COLEC12: variants seen among roughly 807,000 people sequenced by gnomAD.
COLEC12 encodes collectin-12.
In COLEC12, 33 loss-of-function variants were observed where a neutral mutation model predicts 71.1. The ratio of observed to expected loss-of-function variants is 0.46; its 90% CI spans 0.35 to 0.62. The LOEUF (loss-of-function observed/expected upper bound fraction) is 0.62. COLEC12 is among the 20% of genes least tolerant of loss of function. The pLI is 0.00. For synonymous variants in COLEC12, 350 were observed against 353.0 expected (o/e 0.99, Z 0.10); for missense variants, 765 against 916.1 (o/e 0.84, Z 2.13).
chr18:470,265 TCG>T (rs1225107176), intron 2 of COLEC12, among the ~76,000 whole-genome samples: 1 of 127,182 alleles, frequency 7.9e-6, no homozygotes, highest in Non-Finnish European at 1.6e-5. Context: ...GGAGTCTCGC[TCG>T]GTCTCCCAGG....
intron 3 of COLEC12, among the ~76,000 whole-genome samples, chr18:350,740 C>T (rs1914497531): frequency 6.6e-6 from 1 of 151,928 alleles, no homozygotes; most frequent in Admixed American, 6.6e-5. Context: ...CCAGCCTGGC[C>T]AACATGGTGA....
chr18:392,773 C>A (rs1237770108), intron 2 of COLEC12, among the ~76,000 whole-genome samples: 3 of 152,252 alleles, frequency 2.0e-5, no homozygotes, highest in Admixed American at 2.0e-4. Flanking sequence ...CTTTACTTAA[C>A]AACCTAGCCC....
chr18:329,790 T>G (rs60875139), intron 8 of COLEC12, among the ~76,000 whole-genome samples: 426 of 152,354 alleles, frequency 2.8e-3, no homozygotes, highest in African/African-American at 0.01. Context: ...TATAAAGAGC[T>G]GGCCTGGCTA....
Position 399,287 on chromosome 18 carries a change from GGCACCACCA to G in COLEC12, c.59-41774_59-41766del, listed in dbSNP as rs1164189615. Among the ~76,000 whole-genome samples, 2 of 152,204 alleles carry G rather than the reference GGCACCACCA, an allele frequency of 1.3e-5. No homozygotes were observed. Among genetic ancestry groups the G allele is most frequent in the East Asian group, 3.8e-4 (2 of 5,204 alleles). On this transcript the variant is annotated intron_variant, in intron 2 of 9. Coordinates refer to ENST00000400256, the MANE Select transcript of COLEC12 (RefSeq NM_130386.3). This position sits in a 1 kb window ranked among gnomAD's most constrained non-coding sequence, Gnocchi z 4.0. ...GAATGAACTTCAGACTACTGGAATG[GGCACCACCA>G]GCACCACAGACCTTGTGTGTGTGGC... is the stretch of plus-strand genomic sequence containing the variant.
intron 2 of COLEC12, among the ~76,000 whole-genome samples, chr18:361,361 A>T (rs1914739604): frequency 6.6e-6 from 1 of 151,586 alleles, no homozygotes. Flanking sequence ...TTTCCTCTCC[A>T]TTTCCCCTGC....
intron 2 of COLEC12, among the ~76,000 whole-genome samples, chr18:436,553 T>A (rs1405324405): frequency 6.8e-6 from 1 of 147,208 alleles, no homozygotes; most frequent in Non-Finnish European, 1.5e-5. Flanking sequence ...CAGGGGTGGC[T>A]TTCTGGAATT....
At chr18:351,990 T>G (rs2143488830) in intron 3 of COLEC12, among the ~76,000 whole-genome samples, 1 of 152,342 alleles carries the variant, frequency 6.6e-6, no homozygotes, top group South Asian at 2.1e-4. Context: ...AGTAGCAATC[T>G]GCCGGCTGAG....
rs985423146 is a variant in COLEC12, at chr18:500,069, G to A, written c.7+439C>T. On this transcript the variant is annotated intron_variant, in intron 1 of 9. Transcript: ENST00000400256. The surrounding 1 kb of genome is among the most constrained non-coding windows in gnomAD (Gnocchi z 5.3). Reference sequence around the variant, plus strand: ...CCGGAGAAAACACCCGGCCGCCAGCGCGGGGACCGCTCGGGCCGGGAAACG... The same window carrying A: ...CCGGAGAAAACACCCGGCCGCCAGCACGGGGACCGCTCGGGCCGGGAAACG... 1.3e-5 allele frequency among the ~76,000 whole-genome samples: 2 copies of A among 152,242 alleles called. No homozygotes were observed. The highest frequency in any genetic ancestry group is 2.9e-5 in the Non-Finnish European group (2 of 68,042).
chr18:469,314 G>A (rs373283149), intron 2 of COLEC12, among the ~76,000 whole-genome samples: 6 of 152,346 alleles, frequency 3.9e-5, no homozygotes, highest in Admixed American at 1.3e-4. Context: ...GAAATTCTGC[G>A]GGTGAGAGAG....
intron 2 of COLEC12, among the ~76,000 whole-genome samples, chr18:479,232 C>A (rs537394442): frequency 6.6e-6 from 1 of 152,290 alleles, no homozygotes; most frequent in East Asian, 1.9e-4. Flanking sequence ...GGACCATGGT[C>A]TCATCGCAGA....
intron 2 of COLEC12, among the ~76,000 whole-genome samples, chr18:454,626 G>T (rs1222513549): frequency 6.6e-6 from 1 of 152,324 alleles, no homozygotes; most frequent in East Asian, 1.9e-4. Context: ...AGGTTGCAGT[G>T]AGCCGAGATC....
intron 2 of COLEC12, among the ~76,000 whole-genome samples, chr18:476,331 C>T (rs755419959): frequency 3.3e-5 from 5 of 152,198 alleles, no homozygotes; most frequent in Admixed American, 1.3e-4. Flanking sequence ...TTAATAATTC[C>T]TATGCCTGAG....
At chr18:344,009 C>T (rs1914316860) in intron 5 of COLEC12, among the ~76,000 whole-genome samples, 1 of 152,212 alleles carries the variant, frequency 6.6e-6, no homozygotes, top group African/African-American at 2.4e-5. Context: ...ATAAGCCACG[C>T]TGTCTATAAA....
At chr18:377,464 C>T (rs536902301) in intron 2 of COLEC12, among the ~76,000 whole-genome samples, 9 of 152,310 alleles carry the variant, frequency 5.9e-5, no homozygotes, top group Admixed American at 2.0e-4. Context: ...CAGTTACAGG[C>T]GTATCCCCTG....
chr18:473,004 A>C (rs1235872862), intron 2 of COLEC12, among the ~76,000 whole-genome samples: 5 of 152,114 alleles, frequency 3.3e-5, no homozygotes, highest in African/African-American at 1.2e-4. Context: ...CATATATATT[A>C]TGGTTTTATA....
At chr18:354,403 A>C (rs1404299917) in intron 3 of COLEC12, among the ~76,000 whole-genome samples, 1 of 152,266 alleles carries the variant, frequency 6.6e-6, no homozygotes, top group Non-Finnish European at 1.5e-5. Flanking sequence ...AGAAAAGAAC[A>C]ATTTTGAGCA....
At position 334,848 on chromosome 18, in the gene COLEC12, T is replaced by G. The variant is rs750227962; in HGVS notation, c.1710A>C (p.Val570=). The part of the protein sequence containing the change: ...GPRGLPGLPG[V]PGMPGPKGPP... ...GGCCCTTGGGGCCTGGCATGCCTGG[T>G]ACCCCAGGCAAGCCTGGCAGTCCCC... Residue 570 remains valine, a synonymous_variant, in exon 6 of 10, where the codon GTA becomes GTC. Transcript: ENST00000400256. The G allele has an allele frequency of 2.0e-5, 30 of 1,526,056 alleles. No homozygotes were observed. Among genetic ancestry groups the G allele is most frequent in the Non-Finnish European group, 2.6e-5 (30 of 1,146,348 alleles). The allele number at this position is 1,526,056 out of a possible 1,614,324, so 94.5% of individuals were successfully genotyped here.
chr18:369,407 A>ATTTTTT (rs1472068577), intron 2 of COLEC12, among the ~76,000 whole-genome samples: 3 of 116,198 alleles, frequency 2.6e-5, no homozygotes, highest in East Asian at 2.6e-4. Context: ...ATTTTTTTTT[A>ATTTTTT]TTTTTATTTT....
At chr18:350,734 C>T (rs1914497198) in intron 3 of COLEC12, among the ~76,000 whole-genome samples, 1 of 151,982 alleles carries the variant, frequency 6.6e-6, no homozygotes, top group African/African-American at 2.4e-5. Flanking sequence ...TCAAGACCAG[C>T]CTGGCCAACA....
Sources: allele counts gnomAD v4.1 joint callset (sites outside exome capture counted in the v4.1 genomes callset), GRCh38; gene constraint gnomAD v4.1.1; non-coding constraint Gnocchi (gnomAD v3.1); transcripts MANE v1.5; gene names NCBI Gene and HGNC (gene_info 2026-07-23, HGNC 2026-07-21).